Variants in FAM220A observed in about 807,000 individuals in gnomAD.
The protein encoded by FAM220A is family with sequence similarity 220 member A, also known as protein FAM220A.
For synonymous variants in FAM220A, 141 were observed against 130.7 expected (o/e 1.08, Z -0.54); for missense variants, 392 against 321.6 (o/e 1.22, Z -1.68).
chr7:6,348,648 G>T lies in FAM220A; in HGVS notation c.-157C>A. ...AGTTGATACGCAGCCGCCAGGCCAG[G>T]TCGAAGAAGATGAGCAGCGTGCGAG... On this transcript the variant is annotated 5_prime_UTR_variant, in exon 1 of 2. Coordinates refer to ENST00000313324, the MANE Select transcript of FAM220A (RefSeq NM_001037163.2). 1 of 510,658 alleles carries T rather than the reference G, an allele frequency of 2.0e-6. No individual in the cohort carries two copies. The highest frequency in any genetic ancestry group is 3.6e-6 in the Non-Finnish European group (1 of 281,674). The allele number at this position is 510,658 out of a possible 1,614,324, so 31.6% of individuals were successfully genotyped here.
intron 1 of FAM220A, among the ~76,000 whole-genome samples, chr7:6,340,692 G>C (rs907377021): frequency 5.3e-5 from 8 of 151,982 alleles, no homozygotes; most frequent in African/African-American, 1.9e-4. Context: ...GAGGTCAGGA[G>C]ATCGAGACCA....
chr7:6,332,198 G>A (rs991969013), intron 1 of FAM220A, among the ~76,000 whole-genome samples: 15 of 151,904 alleles, frequency 9.9e-5, no homozygotes, highest in African/African-American at 3.4e-4. Flanking sequence ...CATCCTTCAG[G>A]TTATGTAATT....
chr7:6,342,534 G>C (rs1781882336), intron 1 of FAM220A, among the ~76,000 whole-genome samples: 1 of 150,770 alleles, frequency 6.6e-6, no homozygotes, highest in African/African-American at 2.5e-5. Context: ...GCGAGACTCT[G>C]TCTCAAAAAA....
chr7:6,341,012 T>C (rs1583240274), intron 1 of FAM220A, among the ~76,000 whole-genome samples: 2 of 133,650 alleles, frequency 1.5e-5, no homozygotes, highest in Admixed American at 1.6e-4. Context: ...GGTGTGGTGG[T>C]GGGAACCTAC....
At position 6,348,883 on chromosome 7, in the gene FAM220A, G is replaced by A. The variant is rs1454359855; in HGVS notation, c.-392C>T. 3 of 388,488 alleles carry A rather than the reference G, an allele frequency of 7.7e-6. No individual in the cohort carries two copies. The highest frequency in any genetic ancestry group is 1.4e-5 in the Non-Finnish European group (3 of 220,120). 24.1% of individuals were successfully genotyped at this position (388,488 alleles called of 1,614,324 possible). On this transcript the variant is annotated 5_prime_UTR_variant, in exon 1 of 2. Coordinates refer to ENST00000313324, the MANE Select transcript of FAM220A (RefSeq NM_001037163.2). ...CGGCGGCTAGACCGGCGGGCGGGCG[G>A]GCCGCAGTGGAGCGGAGTCCGCACG...
At chr7:6,338,251 A>G (rs1781783929) in intron 1 of FAM220A, among the ~76,000 whole-genome samples, 1 of 152,216 alleles carries the variant, frequency 6.6e-6, no homozygotes, top group Non-Finnish European at 1.5e-5. Flanking sequence ...TAAGTCATTT[A>G]TGAGTTTTTT....
At position 6,339,717 on chromosome 7, in the gene FAM220A, C is replaced by A. The variant is rs184411564; in HGVS notation, c.-81-8482G>T. Among the ~76,000 whole-genome samples, 10 of 152,186 alleles carry A rather than the reference C, an allele frequency of 6.6e-5. No homozygotes were observed. In the East Asian group the frequency reaches 1.7e-3, roughly 27 times the overall value. ...CGATCTCCTGACCTCATGATCCACC[C>A]ACCTCAGCCTCCCAAAGTGCTGGGA... On this transcript the variant is annotated intron_variant, in intron 1 of 1. Transcript: ENST00000313324.
intron 1 of FAM220A, among the ~76,000 whole-genome samples, chr7:6,339,162 T>C (rs1162559500): frequency 6.6e-6 from 1 of 152,134 alleles, no homozygotes; most frequent in East Asian, 1.9e-4. Context: ...ACTCGCCACT[T>C]GGCACGTCTA....
chr7:6,346,539 C>T (rs73060726), intron 1 of FAM220A, among the ~76,000 whole-genome samples: 2,949 of 152,170 alleles, frequency 0.019, 49 homozygotes, highest in East Asian at 0.053. Context: ...GGCCACCACG[C>T]CCAGCTAATT....
At position 6,331,213 on chromosome 7, in the gene FAM220A, C is replaced by T. The variant is rs755355414; in HGVS notation, c.-59G>A. ...CACGCCTTCGTCAGTCTGGGAGGGC[C>T]TTCAATGGATCTCAATATGAACCTA... On this transcript the variant is annotated 5_prime_UTR_variant, in exon 2 of 2. Coordinates refer to ENST00000313324, the MANE Select transcript of FAM220A (RefSeq NM_001037163.2). The T allele has an allele frequency of 1.3e-5, 19 of 1,507,360 alleles. No homozygotes were observed. The highest frequency in any genetic ancestry group is 1.3e-5 in the Non-Finnish European group (14 of 1,116,902). 93.4% of individuals were successfully genotyped at this position (1,507,360 alleles called of 1,614,324 possible).
At chr7:6,343,464 A>G (rs1353571865) in intron 1 of FAM220A, among the ~76,000 whole-genome samples, 1 of 140,052 alleles carries the variant, frequency 7.1e-6, no homozygotes, top group Non-Finnish European at 1.5e-5. Context: ...ACTAAGAAAC[A>G]CTTCGTTCTT....
intron 1 of FAM220A, among the ~76,000 whole-genome samples, chr7:6,347,233 G>C: frequency 6.6e-6 from 1 of 152,216 alleles, no homozygotes; most frequent in East Asian, 1.9e-4. Flanking sequence ...TCAGTCTCTT[G>C]GCTGGGCGCT....
intron 1 of FAM220A, among the ~76,000 whole-genome samples, chr7:6,334,594 G>A (rs781197212): frequency 3.9e-5 from 6 of 151,970 alleles, no homozygotes; most frequent in Non-Finnish European, 7.4e-5. Flanking sequence ...AGCCTCCTGA[G>A]TAGCTGGGAC....
intron 1 of FAM220A, among the ~76,000 whole-genome samples, chr7:6,334,049 T>C (rs9771475): frequency 0.37 from 55,219 of 149,806 alleles, 11,405 homozygotes; most frequent in East Asian, 0.91. Flanking sequence ...GGTTTCACCA[T>C]GTTAGCCAGG....
intron 1 of FAM220A, among the ~76,000 whole-genome samples, chr7:6,339,870 C>T (rs1781817102): frequency 6.6e-6 from 1 of 151,618 alleles, no homozygotes; most frequent in Non-Finnish European, 1.5e-5. Context: ...GGCCGGGTGC[C>T]AGCTCGGCGT....
At chr7:6,331,967 C>T (rs1781645327) in intron 1 of FAM220A, among the ~76,000 whole-genome samples, 1 of 151,588 alleles carries the variant, frequency 6.6e-6, no homozygotes, top group African/African-American at 2.4e-5. Context: ...GTGAAATTAG[C>T]CAGGTGTGAT....
At chr7:6,348,519 G>A (rs1356608730) in intron 1 of FAM220A, 54 bp downstream of exon 1, 3 of 412,674 alleles carry the variant, frequency 7.3e-6, no homozygotes, top group East Asian at 7.1e-5. Flanking sequence ...GCATCCCGCG[G>A]GCGAGGCGGG....
intron 1 of FAM220A, among the ~76,000 whole-genome samples, chr7:6,343,114 C>T (rs1056597578): frequency 1.3e-5 from 2 of 151,316 alleles, no homozygotes; most frequent in African/African-American, 4.9e-5. Context: ...CAGTGGCTTA[C>T]ACCTGTAATC....
At chr7:6,333,443 A>G (rs753496399) in intron 1 of FAM220A, among the ~76,000 whole-genome samples, 47 of 152,284 alleles carry the variant, frequency 3.1e-4, no homozygotes, top group Non-Finnish European at 3.5e-4. Context: ...ACAGAGCAGG[A>G]AAAAGAAAGA....
Sources: gnomAD v4.1 joint callset for allele counts (sites outside exome capture counted in the v4.1 genomes callset) on GRCh38, gnomAD v4.1.1 for gene constraint, MANE v1.5 for transcripts, NCBI Gene and HGNC (gene_info 2026-07-23, HGNC 2026-07-21) for gene names.